KIFC3: variants seen among roughly 807,000 people sequenced by gnomAD.
KIFC3 encodes the protein kinesin family member C3, also known as kinesin-like protein KIFC3.
Under a neutral mutation model 101.8 loss-of-function variants are expected in KIFC3, and 60 were observed. The ratio of observed to expected loss-of-function variants is 0.59; its 90% CI spans 0.48 to 0.73. The LOEUF (loss-of-function observed/expected upper bound fraction) is 0.73. Ranked by LOEUF, KIFC3 falls within the 30% of genes least tolerant of loss-of-function variation. The pLI is 0.00. For missense variants in KIFC3, 966 were observed against 1,137.1 expected, an observed-to-expected ratio of 0.85 and a Z score of 2.16; for synonymous variants, 476 against 482.7, an observed-to-expected ratio of 0.99 and a Z score of 0.18.
intron 2 of KIFC3, 155 bp downstream of exon 2, chr16:57,797,917 C>A: frequency 6.7e-7 from 1 of 1,501,546 alleles, no homozygotes; most frequent in East Asian, 2.5e-5. Flanking sequence ...ACTGACGCTC[C>A]GGCTCCACGC....
At chr16:57,765,304 G>T (rs1657316051) in intron 11 of KIFC3, among the ~76,000 whole-genome samples, 155 bp downstream of exon 11, 1 of 152,126 alleles carries the variant, frequency 6.6e-6, no homozygotes, top group Non-Finnish European at 1.5e-5. Flanking sequence ...ACCCTCTTCT[G>T]TCCTCCAGAG....
intron 1 of KIFC3, among the ~76,000 whole-genome samples, chr16:57,799,705 G>A (rs1555624857): frequency 1.3e-5 from 2 of 152,228 alleles, no homozygotes; most frequent in East Asian, 1.9e-4. Flanking sequence ...GCTTGAGCAA[G>A]AGGAGACAGC....
At chr16:57,819,714 C>T (rs1027957086) in intron 1 of KIFC3, among the ~76,000 whole-genome samples, 1 of 152,128 alleles carries the variant, frequency 6.6e-6, no homozygotes, top group Admixed American at 6.5e-5. Flanking sequence ...GCACCTGCCA[C>T]TGCACCCGGC....
At chr16:57,766,150 G>A (rs2050457053) in intron 10 of KIFC3, among the ~76,000 whole-genome samples, 2 of 152,206 alleles carry the variant, frequency 1.3e-5, no homozygotes, top group African/African-American at 2.4e-5. Context: ...AGCATGAGCT[G>A]GTCATGCCGC....
intron 5 of KIFC3, 48 bp downstream of exon 5, chr16:57,771,495 G>C: frequency 6.2e-7 from 1 of 1,609,774 alleles, no homozygotes; most frequent in Non-Finnish European, 8.5e-7. Context: ...GTGAGGAGCT[G>C]GGGTGGCCCT....
chr16:57,808,058 G>A (rs368973590), upstream of KIFC3: 4 of 151,268 alleles, frequency 2.6e-5, no homozygotes, highest in East Asian at 3.9e-4. Flanking sequence ...GAACTCGACA[G>A]TTCTCCCCTA....
intron 1 of KIFC3, among the ~76,000 whole-genome samples, chr16:57,842,755 TG>T (rs2055839265): frequency 6.6e-6 from 1 of 152,194 alleles, no homozygotes; most frequent in African/African-American, 2.4e-5. Flanking sequence ...AGATGTTTTG[TG>T]GCTGAGATCA....
intron 1 of KIFC3, chr16:57,815,489 C>T: frequency 1.6e-6 from 2 of 1,247,650 alleles, no homozygotes; most frequent in Non-Finnish European, 2.1e-6. Flanking sequence ...TCACCCCCAA[C>T]CTGGCTGATC....
chr16:57,832,932 G>C (rs2055613781), intron 1 of KIFC3, among the ~76,000 whole-genome samples: 1 of 152,106 alleles, frequency 6.6e-6, no homozygotes, highest in Non-Finnish European at 1.5e-5. Context: ...AGCCGGCCAG[G>C]CTCGGTGGCT....
chr16:57,768,437 A>G (rs2050734442), intron 9 of KIFC3, among the ~76,000 whole-genome samples: 1 of 151,018 alleles, frequency 6.6e-6, no homozygotes, highest in African/African-American at 2.4e-5. Flanking sequence ...TTTTTCAACT[A>G]TTTTTGATCT....
At chr16:57,821,501 T>C (rs2055349228) in intron 1 of KIFC3, among the ~76,000 whole-genome samples, 1 of 152,024 alleles carries the variant, frequency 6.6e-6, no homozygotes, top group South Asian at 2.1e-4. Context: ...GGACTTGAAT[T>C]AGGAGGCAGT....
At chr16:57,824,702 A>G (rs1220731857) in intron 1 of KIFC3, among the ~76,000 whole-genome samples, 1 of 152,062 alleles carries the variant, frequency 6.6e-6, no homozygotes, top group Admixed American at 6.6e-5. Flanking sequence ...CAAAAACAAA[A>G]ACAGAAAAAC....
chr16:57,790,930 C>T (rs1180105134), intron 3 of KIFC3: 3 of 985,128 alleles, frequency 3.0e-6, no homozygotes, highest in Non-Finnish European at 2.4e-6. Flanking sequence ...GCAGACACAC[C>T]TCTTATATTT....
Position 57,761,091 on chromosome 16 carries a change from G to A in KIFC3, c.1953C>T (p.Leu651=), listed in dbSNP as rs936285699. The A allele has an allele frequency of 1.9e-6, 3 of 1,613,694 alleles. No individual in the cohort carries two copies. The African/African-American group carries it at 4.0e-5, about 22-fold the overall frequency. Residue 651 remains leucine (L), a synonymous_variant, in exon 15 of 20, where the codon CTC becomes CTT. Coordinates refer to ENST00000445690, the MANE Select transcript of KIFC3 (RefSeq NM_001130100.2). The part of the protein sequence containing the change: ...NEHSSRSHAL[L]IVTVRGVDCS... ...AGTCCACGCCTCGCACCGTCACGAT[G>A]AGCAGCGCGTGCGAGCGGGAGCTGT...
intron 11 of KIFC3, 76 bp downstream of exon 11, chr16:57,765,383 C>T: frequency 7.0e-7 from 1 of 1,430,724 alleles, no homozygotes; most frequent in Non-Finnish European, 9.4e-7. Context: ...TCTTCCTGCC[C>T]AGCGCCCCCG....
chr16:57,820,321 G>A (rs1015690686), intron 1 of KIFC3, among the ~76,000 whole-genome samples: 1 of 152,176 alleles, frequency 6.6e-6, no homozygotes, highest in Non-Finnish European at 1.5e-5. Context: ...CCAGGCTGGA[G>A]TGCAGTGCAG....
At chr16:57,855,460 T>C (rs2056146950) in intron 1 of KIFC3, among the ~76,000 whole-genome samples, 2 of 151,960 alleles carry the variant, frequency 1.3e-5, no homozygotes, top group South Asian at 4.1e-4. Flanking sequence ...TTGGGAAATA[T>C]TTAAACTGAA....
chr16:57,760,806 C>T lies in KIFC3; in HGVS notation c.2152G>A (p.Val718Met), dbSNP rs1555595842. 2.5e-6 allele frequency: 4 copies of T among 1,613,698 alleles called. No homozygotes were observed. The highest frequency in any genetic ancestry group is 3.4e-6 in the Non-Finnish European group (4 of 1,179,992). The change falls in exon 16 of 20, where the codon GTG (valine) becomes ATG (methionine). Residue 718 changes from valine (V) to methionine (M), a missense_variant. By Grantham distance (21) the Val-to-Met change is conservative. Around this residue, in one of 2 missense-constraint regions of KIFC3, gnomAD observed 689 missense variants for 884.6 expected, o/e 0.78. Transcript: ENST00000445690. ...GTGAGCTTGGAGTTGCGGAAGGGCACGTGGCCCTGGCGGGAGCGCAGGGCA... is the reference window on the plus strand; with the variant it reads ...GTGAGCTTGGAGTTGCGGAAGGGCATGTGGCCCTGGCGGGAGCGCAGGGCA... The part of the protein sequence containing the change: ...IAALRSRQGH[V>M]PFRNSKLTYL...
At chr16:57,780,725 A>C (rs1555614099) in intron 3 of KIFC3, among the ~76,000 whole-genome samples, 1 of 113,290 alleles carries the variant, frequency 8.8e-6, no homozygotes, top group Non-Finnish European at 1.7e-5. Context: ...CCCAGGCTGG[A>C]GTGCAGTGGC....
Sources: allele counts gnomAD v4.1 joint callset (sites outside exome capture counted in the v4.1 genomes callset), GRCh38; gene constraint gnomAD v4.1.1; regional missense constraint gnomAD v4.1.1; transcripts MANE v1.5; gene names NCBI Gene and HGNC (gene_info 2026-07-23, HGNC 2026-07-21).